DNAH7: variants seen among roughly 807,000 people sequenced by gnomAD.
DNAH7 encodes axonemal beta dynein heavy chain 7.
DNAH7 carries 397 observed loss-of-function variants against 444.6 expected under a neutral mutation model. The ratio of observed to expected loss-of-function variants is 0.89; its 90% confidence interval spans 0.82 to 0.97. The LOEUF (loss-of-function observed/expected upper bound fraction) is 0.97. Ranked by LOEUF, DNAH7 falls within the 50% of genes least tolerant of loss-of-function variation. DNAH7 has a pLI of 0.00. For synonymous variants in DNAH7, 1,636 were observed against 1,624.4 expected (o/e 1.01, Z -0.17); for missense variants, 4,902 against 4,800.8 (o/e 1.02, Z -0.62).
At chr2:195,845,461 G>A (rs1698928988) in intron 46 of DNAH7, among the ~76,000 whole-genome samples, 1 of 152,016 alleles carries the variant, frequency 6.6e-6, no homozygotes, top group Admixed American at 6.5e-5. Flanking sequence ...TCATTTTCAA[G>A]GCTACTCCTA....
chr2:195,755,143 C>CA (rs1333078586), intron 62 of DNAH7, among the ~76,000 whole-genome samples: 1 of 152,176 alleles, frequency 6.6e-6, no homozygotes, highest in Non-Finnish European at 1.5e-5. Flanking sequence ...AAGAGATCCC[C>CA]ATAAAGTCTG....
At chr2:195,984,551 T>G (rs1205597976) in intron 15 of DNAH7, 81 bp downstream of exon 15, 1 of 1,360,172 alleles carries the variant, frequency 7.4e-7, no homozygotes, top group Non-Finnish European at 1.0e-6. Context: ...GTCTTAACTT[T>G]TCGAGTGATT....
chr2:195,956,488 TAAAAATAC>T (rs1262737726), intron 19 of DNAH7, among the ~76,000 whole-genome samples: 1 of 151,936 alleles, frequency 6.6e-6, no homozygotes, highest in African/African-American at 2.4e-5. Context: ...CCATGTCTAC[TAAAAATAC>T]AAAAATTAGC....
At chr2:196,016,884 G>C (rs548291009) in intron 9 of DNAH7, among the ~76,000 whole-genome samples, 1 of 152,306 alleles carries the variant, frequency 6.6e-6, no homozygotes, top group East Asian at 1.9e-4. Context: ...GAAGAAATGA[G>C]AGGGAATTCT....
intron 1 of DNAH7, among the ~76,000 whole-genome samples, chr2:196,061,403 T>C (rs1698126720): frequency 6.6e-6 from 1 of 152,182 alleles, no homozygotes; most frequent in African/African-American, 2.4e-5. Flanking sequence ...AGAGGTCAAA[T>C]AGACATCTCT....
intron 61 of DNAH7, among the ~76,000 whole-genome samples, chr2:195,763,320 CTTAA>C: frequency 1.3e-5 from 2 of 151,746 alleles, no homozygotes; most frequent in African/African-American, 4.8e-5. Context: ...AATGATATAT[CTTAA>C]AGAACTAGCA....
chr2:195,750,115 T>C (rs957452167), intron 63 of DNAH7, among the ~76,000 whole-genome samples: 2 of 152,202 alleles, frequency 1.3e-5, no homozygotes, highest in Admixed American at 6.6e-5. Flanking sequence ...GAACACTAAA[T>C]AGGCTTTATG....
chr2:195,875,576 A>C (rs1365683679), intron 38 of DNAH7, 99 bp downstream of exon 38: 2 of 1,144,364 alleles, frequency 1.7e-6, no homozygotes, highest in Non-Finnish European at 2.5e-6. Flanking sequence ...CATATACACA[A>C]AACACTGCAA....
At chr2:195,886,031 A>G (rs1002880729) in intron 34 of DNAH7, 110 bp downstream of exon 34, 3 of 1,280,114 alleles carry the variant, frequency 2.3e-6, no homozygotes, top group African/African-American at 3.0e-5. Context: ...CCACCCGTTG[A>G]CTAGTCTCCA....
At chr2:195,867,079 G>T (rs1186574778) in intron 40 of DNAH7, among the ~76,000 whole-genome samples, 1 of 152,044 alleles carries the variant, frequency 6.6e-6, no homozygotes, top group Non-Finnish European at 1.5e-5. Context: ...GCCCAGTCTC[G>T]GGTATGTCTT....
In DNAH7 at chr2:195,792,251, A is replaced by G. The variant is rs115054894; in HGVS notation, c.10716+2087T>C. On this transcript the variant is annotated intron_variant, in intron 57 of 64. Coordinates refer to ENST00000312428, the MANE Select transcript of DNAH7 (RefSeq NM_018897.3). ...AGTGAGGGGGCAAGGGCTTAAAAAC[A>G]GTTGGGTACTATGCTCACTACCTGG... Among the ~76,000 whole-genome samples, 6 of 151,606 alleles carry G rather than the reference A, an allele frequency of 4.0e-5. No homozygotes were observed. The East Asian group carries it at 1.2e-3, about 30-fold the overall frequency.
chr2:195,985,903 T>A (rs560457241), intron 14 of DNAH7, among the ~76,000 whole-genome samples: 4 of 152,288 alleles, frequency 2.6e-5, no homozygotes, highest in African/African-American at 9.6e-5. Context: ...AGTACCTTCA[T>A]CCCCAGCCTT....
chr2:195,857,654 T>G lies in DNAH7; in HGVS notation c.8137A>C (p.Ile2713Leu), dbSNP rs764657592. ...GVKLVMEAIC[I>L]LKGIKADKIP... The stretch of plus-strand genomic sequence containing the variant: ...TTGTCAGCTTTGATTCCTTTCAAGA[T>G]GCATATAGCTTCCATAACAAGCTTG... Residue 2713 changes from isoleucine (I) to leucine (L), a missense_variant, in exon 44 of 65, where the codon ATC becomes CTC. Physicochemically the swap from Ile to Leu is conservative, Grantham distance 5. Coordinates refer to ENST00000312428, the MANE Select transcript of DNAH7 (RefSeq NM_018897.3). The G allele has an allele frequency of 1.9e-6, 3 of 1,613,694 alleles. No individual in the cohort carries two copies. Among genetic ancestry groups the G allele is most frequent in the East Asian group, 2.2e-5 (1 of 44,878 alleles).
At chr2:195,919,513 T>G (rs1687893268) in intron 24 of DNAH7, among the ~76,000 whole-genome samples, 1 of 151,800 alleles carries the variant, frequency 6.6e-6, no homozygotes, top group African/African-American at 2.4e-5. Flanking sequence ...CCCAGCTAAT[T>G]TTTATATTTT....
In DNAH7 at chr2:195,864,542, A is replaced by G; in HGVS notation, c.7113T>C (p.Tyr2371=). The G allele has an allele frequency of 6.2e-7, 1 of 1,614,148 alleles. No homozygotes were observed. Among genetic ancestry groups the G allele is most frequent in the Non-Finnish European group, 8.5e-7 (1 of 1,180,030 alleles). The change falls in exon 41 of 65, where the codon TAT becomes TAC. Residue 2371 remains tyrosine (Y), a synonymous_variant. Transcript: ENST00000312428. Reference sequence around the variant, plus strand: ...AATCTTCATGCCATTCAGTAGTATCATACCCCTTAGAGATTTCAACTTGGA... The same window carrying G: ...AATCTTCATGCCATTCAGTAGTATCGTACCCCTTAGAGATTTCAACTTGGA... ...SVFQVEISKG[Y]DTTEWHEDLK... is the part of the protein sequence containing the mutation.
At chr2:195,740,585 A>G (rs970659303) in intron 64 of DNAH7, among the ~76,000 whole-genome samples, 181 bp downstream of exon 64, 1 of 132,422 alleles carries the variant, frequency 7.6e-6, no homozygotes, top group African/African-American at 2.9e-5. Context: ...TTGACTGTAT[A>G]TGTGTGTGTG....
chr2:195,778,729 T>TAC (rs776425134), intron 58 of DNAH7, among the ~76,000 whole-genome samples: 3,569 of 35,980 alleles, frequency 0.099, 108 homozygotes, highest in Non-Finnish European at 0.14. Context: ...CATATATATA[T>TAC]ACACATATAT....
chr2:195,752,219 C>T (rs186606326), intron 63 of DNAH7, among the ~76,000 whole-genome samples: 135 of 149,616 alleles, frequency 9.0e-4, no homozygotes, highest in Non-Finnish European at 1.7e-3. Flanking sequence ...TGCAGTAAGT[C>T]GAGATCATGC....
chr2:195,802,704 A>G (rs1696529113), intron 54 of DNAH7, among the ~76,000 whole-genome samples: 1 of 152,124 alleles, frequency 6.6e-6, no homozygotes, highest in Non-Finnish European at 1.5e-5. Flanking sequence ...AAACAAAAAA[A>G]AAACAAAAAT....
Sources: allele counts gnomAD v4.1 joint callset (sites outside exome capture counted in the v4.1 genomes callset), GRCh38; gene constraint gnomAD v4.1.1; transcripts MANE v1.5; gene names NCBI Gene and HGNC (gene_info 2026-07-23, HGNC 2026-07-21).